DRC11: variants seen among roughly 807,000 people sequenced by gnomAD.
The protein encoded by DRC11 is IQ and AAA domain-containing protein 1.
At chr2:236,433,711 G>T in the DRC11 span, among the ~76,000 whole-genome samples, 1 of 152,184 alleles carries the variant, frequency 6.6e-6, no homozygotes, top group Admixed American at 6.6e-5. Flanking sequence ...TGTGCAAAAG[G>T]TGATCATTTG....
At chr2:236,479,932 T>C in the DRC11 span, among the ~76,000 whole-genome samples, 1 of 152,170 alleles carries the variant, frequency 6.6e-6, no homozygotes, top group Admixed American at 6.5e-5. The surrounding 1 kb of genome is among the most constrained non-coding windows in gnomAD (Gnocchi z 4.1). Flanking sequence ...AGTGATGAAT[T>C]CCCTCAAATT....
chr2:236,408,692 C>A, the DRC11 span: 1 of 719,340 alleles, frequency 1.4e-6, no homozygotes, highest in Non-Finnish European at 2.6e-6. The surrounding 1 kb of genome is among the most constrained non-coding windows in gnomAD (Gnocchi z 5.5). Context: ...TAAAGGCCTC[C>A]TTCTTAGATT....
At chr2:236,459,581 G>A in the DRC11 span, among the ~76,000 whole-genome samples, 18 of 140,864 alleles carry the variant, frequency 1.3e-4, no homozygotes, top group African/African-American at 2.9e-4. Flanking sequence ...GTATACATAC[G>A]TATATACGTA....
chr2:236,468,711 G>C, the DRC11 span, among the ~76,000 whole-genome samples: 2 of 152,102 alleles, frequency 1.3e-5, no homozygotes, highest in African/African-American at 4.8e-5. Flanking sequence ...AATTCATATA[G>C]AGACTTTAAT....
chr2:236,501,959 C>T, the DRC11 span, among the ~76,000 whole-genome samples: 11 of 152,164 alleles, frequency 7.2e-5, no homozygotes, highest in Non-Finnish European at 1.5e-4. Context: ...AAGCATAACT[C>T]CAGACAGCAA....
chr2:236,361,846 C>T, the DRC11 span, among the ~76,000 whole-genome samples: 1 of 152,260 alleles, frequency 6.6e-6, no homozygotes, highest in East Asian at 1.9e-4. This position sits in a 1 kb window ranked among gnomAD's most constrained non-coding sequence, Gnocchi z 5.7. Context: ...AAGCAAAACC[C>T]AACTATGTGC....
chr2:236,486,271 C>A, the DRC11 span, among the ~76,000 whole-genome samples: 1 of 152,216 alleles, frequency 6.6e-6, no homozygotes, highest in South Asian at 2.1e-4. The surrounding 1 kb of genome is among the most constrained non-coding windows in gnomAD (Gnocchi z 5.7). Context: ...GAGACCTCAG[C>A]CCTGGCTGAC....
chr2:236,446,250 T>C, the DRC11 span, among the ~76,000 whole-genome samples: 1 of 152,130 alleles, frequency 6.6e-6, no homozygotes, highest in Non-Finnish European at 1.5e-5. The surrounding 1 kb of genome is among the most constrained non-coding windows in gnomAD (Gnocchi z 6.2). Flanking sequence ...GATGAGTGCT[T>C]TATGCTTTGG....
the DRC11 span, among the ~76,000 whole-genome samples, chr2:236,376,179 G>A: frequency 2.0e-5 from 3 of 152,284 alleles, no homozygotes; most frequent in South Asian, 4.1e-4. The surrounding 1 kb of genome is among the most constrained non-coding windows in gnomAD (Gnocchi z 5.7). Context: ...AACCTGAATC[G>A]AATAATGAGA....
the DRC11 span, among the ~76,000 whole-genome samples, chr2:236,459,643 ACG>A: frequency 1.7e-4 from 24 of 144,840 alleles, no homozygotes; most frequent in African/African-American, 6.0e-4. Context: ...ATACGTATAT[ACG>A]TATATATGTA....
chr2:236,322,570 C>A, the DRC11 span, among the ~76,000 whole-genome samples: 1 of 152,026 alleles, frequency 6.6e-6, no homozygotes. Flanking sequence ...TGAATTCTTA[C>A]ACTGTGGAAG....
At chr2:236,416,741 A>ATATATATTTT in the DRC11 span, among the ~76,000 whole-genome samples, 1 of 55,980 alleles carries the variant, frequency 1.8e-5, no homozygotes, top group Non-Finnish European at 3.8e-5. Context: ...ATATATATAT[A>ATATATATTTT]TATATATATA....
At chr2:236,322,229 CTTTTT>C in the DRC11 span, among the ~76,000 whole-genome samples, 619 of 98,516 alleles carry the variant, frequency 6.3e-3, 8 homozygotes, top group African/African-American at 0.024. Flanking sequence ...TTTCTTTCCT[CTTTTT>C]TTTTTTTTTT....
chr2:236,427,489 T>A, the DRC11 span, among the ~76,000 whole-genome samples: 3 of 152,130 alleles, frequency 2.0e-5, no homozygotes, highest in Non-Finnish European at 4.4e-5. The surrounding 1 kb of genome is among the most constrained non-coding windows in gnomAD (Gnocchi z 5.9). Flanking sequence ...ATTAGTCCTG[T>A]TGTTGTATAA....
chr2:236,368,282 C>T, the DRC11 span: 1 of 1,599,978 alleles, frequency 6.3e-7, no homozygotes, highest in Non-Finnish European at 8.5e-7. Flanking sequence ...GAAGAGTAGT[C>T]CCCAGGTAGC....
At chr2:236,500,814 T>C in the DRC11 span, among the ~76,000 whole-genome samples, 3 of 152,160 alleles carry the variant, frequency 2.0e-5, no homozygotes, top group African/African-American at 7.2e-5. This position sits in a 1 kb window ranked among gnomAD's most constrained non-coding sequence, Gnocchi z 6.3. Context: ...GTGATTCTCC[T>C]GCCTCAGCCT....
At chr2:236,441,147 T>G in the DRC11 span, 1 of 1,483,036 alleles carries the variant, frequency 6.7e-7, no homozygotes, top group Non-Finnish European at 9.2e-7. Context: ...AAATAGCAAA[T>G]TAAAATGGAA....
the DRC11 span, among the ~76,000 whole-genome samples, chr2:236,462,530 G>T: frequency 1.3e-5 from 2 of 152,090 alleles, no homozygotes; most frequent in African/African-American, 4.8e-5. This position sits in a 1 kb window ranked among gnomAD's most constrained non-coding sequence, Gnocchi z 6.4. Flanking sequence ...AATTAGGCTG[G>T]TATAGTGGTA....
the DRC11 span, among the ~76,000 whole-genome samples, chr2:236,380,282 C>A: frequency 6.6e-6 from 1 of 152,314 alleles, no homozygotes; most frequent in East Asian, 1.9e-4. The surrounding 1 kb of genome is among the most constrained non-coding windows in gnomAD (Gnocchi z 4.9). Context: ...AATGCTTCAC[C>A]AGGGTGTTAT....
Sources: gnomAD v4.1 joint callset for allele counts (sites outside exome capture counted in the v4.1 genomes callset) on GRCh38, gnomAD v4.1.1 for gene constraint, Gnocchi (gnomAD v3.1) non-coding constraint, MANE v1.5 for transcripts, NCBI Gene and HGNC (gene_info 2026-07-23, HGNC 2026-07-21) for gene names.